Variants in ACSL6 observed in about 807,000 individuals in gnomAD.
ACSL6 encodes acyl-CoA synthetase long chain family member 6, also known as long-chain-fatty-acid--CoA ligase 6.
Under a neutral mutation model 98.2 loss-of-function variants are expected in ACSL6, and 47 were observed. The observed-to-expected ratio is 0.48, with a 90% confidence interval of 0.38 to 0.61. ACSL6 has a LOEUF of 0.61. Ranked by LOEUF, ACSL6 falls within the 20% of genes least tolerant of loss-of-function variation. ACSL6 has a pLI of 0.00. For synonymous variants in ACSL6, 362 were observed against 336.9 expected, an observed-to-expected ratio of 1.07 and a Z score of -0.82; for missense variants, 761 against 913.4, an observed-to-expected ratio of 0.83 and a Z score of 2.15.
At chr5:132,012,118 C>CT, upstream of ACSL6, 6 of 622,028 alleles carry the variant, frequency 9.6e-6, no homozygotes, top group Non-Finnish European at 1.5e-5. Context: ...CTCCTGTGGG[C>CT]TGTTGCCCGC....
intron 15 of ACSL6, among the ~76,000 whole-genome samples, chr5:131,968,559 C>T (rs1270616299): frequency 2.0e-5 from 3 of 152,106 alleles, no homozygotes; most frequent in Non-Finnish European, 2.9e-5. Context: ...GGCACCAAGG[C>T]GATGCTGCTG....
chr5:131,968,479 T>C (rs1387747024), intron 15 of ACSL6, among the ~76,000 whole-genome samples: 2 of 152,220 alleles, frequency 1.3e-5, no homozygotes, highest in African/African-American at 2.4e-5. Flanking sequence ...GCTGGAAATC[T>C]AGAAATCATA....
chr5:131,977,218 G>T (rs1292811167), intron 9 of ACSL6, among the ~76,000 whole-genome samples: 1 of 152,200 alleles, frequency 6.6e-6, no homozygotes, highest in East Asian at 1.9e-4. Context: ...CAAGAGGGCT[G>T]GGCAGCCCTT....
intron 19 of ACSL6, among the ~76,000 whole-genome samples, chr5:131,960,307 T>C (rs538216658): frequency 5.8e-4 from 89 of 152,312 alleles, no homozygotes; most frequent in Non-Finnish European, 9.1e-4. Flanking sequence ...TGGCTTAAAA[T>C]CCAAACGTTT....
chr5:131,971,507 G>T lies in ACSL6; in HGVS notation c.1434+43C>A. The T allele has an allele frequency of 2.6e-6, 4 of 1,516,652 alleles. No individual in the cohort carries two copies. In the South Asian group the frequency reaches 3.9e-5, roughly 15 times the overall value. 93.9% of individuals were successfully genotyped at this position (1,516,652 alleles called of 1,614,324 possible). A position where few individuals can be genotyped will look rare whatever the true frequency, so the allele number is the denominator to read the frequency against. On this transcript the variant is annotated intron_variant, in intron 14 of 20. Transcript: ENST00000651883. ...GGTATAGTAGTTTTCCTGCCCTAACGAACTTCCTGCTGTTTCCAAGGGAGG... is the reference window on the plus strand; with the variant it reads ...GGTATAGTAGTTTTCCTGCCCTAACTAACTTCCTGCTGTTTCCAAGGGAGG...
intron 7 of ACSL6, 98 bp from the exon 8 acceptor site, chr5:131,986,952 C>A (rs1003423882): frequency 1.7e-6 from 2 of 1,154,076 alleles, no homozygotes; most frequent in African/African-American, 1.5e-5. Flanking sequence ...CACGCACATA[C>A]ACATACACAC....
chr5:131,968,061 T>C lies in ACSL6; in HGVS notation c.1508-33A>G, dbSNP rs759152457. ...ACCGGAGCAAGATGGCATTTGTTAG[T>C]GTTCAGATCTGTTTTAGCACTGAAG... On this transcript the variant is annotated intron_variant, in intron 15 of 20. Transcript: ENST00000651883. The C allele has an allele frequency of 9.4e-6, 15 of 1,590,574 alleles. No homozygotes were observed. In the East Asian group the frequency reaches 3.4e-4, roughly 36 times the overall value.
At chr5:131,985,619 A>T (rs543250555) in intron 8 of ACSL6, among the ~76,000 whole-genome samples, 161 bp from the exon 9 acceptor site, 158 of 152,346 alleles carry the variant, frequency 1.0e-3, no homozygotes, top group Non-Finnish European at 1.4e-3. Context: ...GCGCTCAGAA[A>T]GGTGGGCAGA....
At chr5:131,965,589 G>A (rs1452408874) in intron 17 of ACSL6, among the ~76,000 whole-genome samples, 1 of 152,084 alleles carries the variant, frequency 6.6e-6, no homozygotes, top group Non-Finnish European at 1.5e-5. Flanking sequence ...AGATGGGATG[G>A]CGGGCACCTG....
chr5:132,009,428 A>T (rs947651103), intron 1 of ACSL6, among the ~76,000 whole-genome samples: 2 of 152,222 alleles, frequency 1.3e-5, no homozygotes, highest in Admixed American at 6.5e-5. Flanking sequence ...GTGCTCACAG[A>T]ACTACAGCTC....
chr5:131,954,133 G>A lies in ACSL6; in HGVS notation c.*101C>T. On this transcript the variant is annotated 3_prime_UTR_variant, in exon 21 of 21. Transcript: ENST00000651883. ...AAAAGGCTCAGTCATAAAATCAGAT[G>A]CTTATTCATTTTCAGCTGTGTCATT... is the stretch of plus-strand genomic sequence containing the variant. 1 of 1,259,312 alleles carries A rather than the reference G, an allele frequency of 7.9e-7. No individual in the cohort carries two copies. The highest frequency in any genetic ancestry group is 1.1e-6 in the Non-Finnish European group (1 of 952,168). The allele number at this position is 1,259,312 out of a possible 1,614,324, so 78.0% of individuals were successfully genotyped here.
At chr5:131,972,678 T>C (rs771592501) in intron 13 of ACSL6, 46 bp downstream of exon 13, 4 of 1,607,252 alleles carry the variant, frequency 2.5e-6, no homozygotes, top group Non-Finnish European at 2.6e-6. Flanking sequence ...AGGTCACCCG[T>C]TGGATACTTA....
chr5:132,011,591 C>A lies in ACSL6; in HGVS notation c.-38G>T. 6.8e-7 allele frequency: 1 copy of A among 1,472,240 alleles called. No homozygotes were observed. The highest frequency in any genetic ancestry group is 9.0e-7 in the Non-Finnish European group (1 of 1,113,386). 91.2% of individuals were successfully genotyped at this position (1,472,240 alleles called of 1,614,324 possible). A position where few individuals can be genotyped will look rare whatever the true frequency, so the allele number is the denominator to read the frequency against. ...GGCCCGGCCCGGCCCGGCCCGGCCT[C>A]CCCGACCCGCAGCCCCGCAGCCCCG... On this transcript the variant is annotated 5_prime_UTR_variant, in exon 1 of 21. Coordinates refer to ENST00000651883, the MANE Select transcript of ACSL6 (RefSeq NM_001009185.3). This position sits in a 1 kb window ranked among gnomAD's most constrained non-coding sequence, Gnocchi z 5.4.
In ACSL6 at chr5:131,953,403, C is replaced by T. The variant is rs1428345019; in HGVS notation, c.*831G>A. On this transcript the variant is annotated 3_prime_UTR_variant, in exon 21 of 21. Transcript: ENST00000651883. Reference sequence around the variant, plus strand: ...CCAAGGCGGGAGGATCCCTTGAGCTCAGGAGTTTGAGACCAGCCTGAGCAA... The same window carrying T: ...CCAAGGCGGGAGGATCCCTTGAGCTTAGGAGTTTGAGACCAGCCTGAGCAA... 1 of 184,082 alleles carries T rather than the reference C, an allele frequency of 5.4e-6. No individual in the cohort carries two copies. The highest frequency in any genetic ancestry group is 8.8e-5 in the East Asian group (1 of 11,388). 11.4% of individuals were successfully genotyped at this position (184,082 alleles called of 1,614,324 possible).
intron 20 of ACSL6, among the ~76,000 whole-genome samples, chr5:131,957,244 T>C (rs1413789865): frequency 1.3e-5 from 2 of 152,166 alleles, no homozygotes; most frequent in Non-Finnish European, 2.9e-5. Flanking sequence ...GGCAAATTGG[T>C]TAGGTAAGTG....
At chr5:131,960,820 G>GA (rs1241884862) in intron 18 of ACSL6, 199 bp from the exon 19 acceptor site, 1 of 478,592 alleles carries the variant, frequency 2.1e-6, no homozygotes, top group Non-Finnish European at 3.7e-6. Flanking sequence ...AGTTTTATAT[G>GA]AAAAAATAAG....
chr5:131,957,594 CTAAAGCTTTTGT>C (rs1752479995), intron 20 of ACSL6, among the ~76,000 whole-genome samples: 1 of 152,204 alleles, frequency 6.6e-6, no homozygotes, highest in Non-Finnish European at 1.5e-5. Context: ...GTCTGAACTC[CTAAAGCTTTTGT>C]TGAATGACTT....
rs1393016753 is a variant in ACSL6, at chr5:131,973,412, G to A, written c.1069-12C>T. On this transcript the variant is annotated splice_polypyrimidine_tract_variant and intron_variant, in intron 11 of 20. Coordinates refer to ENST00000651883, the MANE Select transcript of ACSL6 (RefSeq NM_001009185.3). ...CAATAGACGACAGACTAGAAAGACA[G>A]GACAGGAAGGGAGGAGTCCCTTAGG... is the stretch of plus-strand genomic sequence containing the variant. The A allele has an allele frequency of 4.3e-6, 7 of 1,613,506 alleles. No individual in the cohort carries two copies. The highest frequency in any genetic ancestry group is 1.6e-4 in the Middle Eastern group (1 of 6,062).
At chr5:131,988,556 C>T (rs865874006) in intron 6 of ACSL6, 1 of 1,441,332 alleles carries the variant, frequency 6.9e-7, no homozygotes, top group African/African-American at 1.4e-5. Context: ...AGGGCTGTAC[C>T]CTGTGTGGAG....
Sources: gnomAD v4.1 joint callset for allele counts (sites outside exome capture counted in the v4.1 genomes callset) on GRCh38, gnomAD v4.1.1 for gene constraint, Gnocchi (gnomAD v3.1) non-coding constraint, MANE v1.5 for transcripts, NCBI Gene and HGNC (gene_info 2026-07-23, HGNC 2026-07-21) for gene names.